The following YES1 variants were observed in gnomAD, a reference collection of about 807,000 sequenced individuals.
The protein encoded by YES1 is tyrosine-protein kinase Yes.
Under a neutral mutation model 70.4 loss-of-function variants are expected in YES1, and 39 were observed. The ratio of observed to expected loss-of-function variants is 0.55; its 90% CI spans 0.43 to 0.72. The LOEUF is 0.72. Ranked by LOEUF, YES1 falls within the 30% of genes least tolerant of loss-of-function variation. The pLI is 0.00. For missense variants in YES1, 495 were observed against 644.8 expected, an observed-to-expected ratio of 0.77 and a Z score of 2.52; for synonymous variants, 198 against 218.6, an observed-to-expected ratio of 0.91 and a Z score of 0.83.
At chr18:792,584 T>C (rs1906319193) in intron 1 of YES1, among the ~76,000 whole-genome samples, 1 of 145,574 alleles carries the variant, frequency 6.9e-6, no homozygotes, top group Non-Finnish European at 1.5e-5. Context: ...TGTGTGTGTG[T>C]GTATATACAT....
intron 11 of YES1, among the ~76,000 whole-genome samples, chr18:731,790 AC>A (rs1248000682): frequency 4.6e-5 from 7 of 151,796 alleles, no homozygotes; most frequent in African/African-American, 1.7e-4. Context: ...ACACGGTGAA[AC>A]CCCGTCTCTA....
At chr18:768,997 T>C (rs12962375) in intron 1 of YES1, among the ~76,000 whole-genome samples, 56,219 of 152,032 alleles carry the variant, frequency 0.37, 11,518 homozygotes, top group African/African-American at 0.54. Flanking sequence ...CCACTGTGCC[T>C]GGCCCTAGAT....
intron 3 of YES1, among the ~76,000 whole-genome samples, chr18:749,259 C>T (rs1029828367): frequency 3.3e-5 from 5 of 151,728 alleles, no homozygotes; most frequent in Admixed American, 2.0e-4. Flanking sequence ...TTTGGGAGGC[C>T]GGGGTGGGCA....
intron 3 of YES1, 147 bp from the exon 4 acceptor site, chr18:748,165 A>T (rs1392630305): frequency 1.6e-6 from 1 of 633,024 alleles, no homozygotes; most frequent in Admixed American, 2.7e-5. Flanking sequence ...TTAAACTCAA[A>T]GAATGATATT....
chr18:741,398 G>A lies in YES1; in HGVS notation c.1060+1520C>T, dbSNP rs139289394. On this transcript the variant is annotated intron_variant, in intron 8 of 11. Coordinates refer to ENST00000314574, the MANE Select transcript of YES1 (RefSeq NM_005433.4). ...AGGGAATACATGTGTGTGCAACCAC[G>A]TCCTGCTAATTTTTTTAGTTTTTGT... 1.5e-3 allele frequency among the ~76,000 whole-genome samples: 229 copies of A among 152,122 alleles called. 1 individual carries two copies. The highest frequency in any genetic ancestry group is 5.1e-3 in the African/African-American group (213 of 41,522).
At chr18:729,429 A>T (rs2080060784) in intron 11 of YES1, among the ~76,000 whole-genome samples, 1 of 151,388 alleles carries the variant, frequency 6.6e-6, no homozygotes, top group African/African-American at 2.4e-5. Flanking sequence ...GAAAATAAAT[A>T]AATAAATAAA....
chr18:732,428 CTGT>C (rs1317846982), intron 11 of YES1, among the ~76,000 whole-genome samples: 1 of 106,242 alleles, frequency 9.4e-6, no homozygotes, highest in Non-Finnish European at 1.7e-5. Flanking sequence ...CAGAGCAAGA[CTGT>C]GTTTAAAAAA....
intron 1 of YES1, among the ~76,000 whole-genome samples, chr18:804,169 A>C (rs1384889940): frequency 6.6e-6 from 1 of 152,250 alleles, no homozygotes. Context: ...CAATTAAAAA[A>C]ATTAAATGTA....
chr18:746,132 G>C (rs186711764), intron 4 of YES1, 81 bp from the exon 5 acceptor site: 55 of 994,290 alleles, frequency 5.5e-5, no homozygotes, highest in Non-Finnish European at 8.3e-5. Flanking sequence ...GAATGGACTG[G>C]GATAGGTTTG....
chr18:733,023 A>T (rs2080110499), intron 10 of YES1, 58 bp from the exon 11 acceptor site: 1 of 1,562,744 alleles, frequency 6.4e-7, no homozygotes, highest in Non-Finnish European at 8.8e-7. Context: ...TTGTGTAAAC[A>T]TAGCATATGC....
chr18:724,621 G>A lies in YES1; in HGVS notation c.1435C>T (p.Arg479Cys), dbSNP rs757308799. Residue 479 changes from arginine to cysteine, a missense_variant, in exon 12 of 12, where the codon CGT (arginine) becomes TGT (cysteine). By Grantham distance (180) the Arg-to-Cys change is radical. This residue lies in a region of YES1 where 385 missense variants were observed against 540.9 expected (regional missense o/e 0.71). Coordinates refer to ENST00000314574, the MANE Select transcript of YES1 (RefSeq NM_005433.4). ...GRVPYPGMVNREVLEQVERGY... is the reference protein window; with the variant it reads ...GRVPYPGMVNCEVLEQVERGY... ...CGCTCCACTTGTTCTAATACTTCAC[G>A]GTTCACCATACCTAATACACAAGAT... 3 of 1,613,792 alleles carry A rather than the reference G, an allele frequency of 1.9e-6. No individual in the cohort carries two copies. Among genetic ancestry groups the A allele is most frequent in the South Asian group, 1.1e-5 (1 of 91,070 alleles).
chr18:741,587 T>C (rs2080217470), intron 8 of YES1, among the ~76,000 whole-genome samples: 1 of 152,144 alleles, frequency 6.6e-6, no homozygotes, highest in Admixed American at 6.5e-5. Flanking sequence ...GCTGATTGCT[T>C]GATCCCAGGA....
At chr18:786,043 T>G (rs1159500982) in intron 1 of YES1, among the ~76,000 whole-genome samples, 2 of 152,198 alleles carry the variant, frequency 1.3e-5, no homozygotes, top group Admixed American at 6.5e-5. Context: ...TGTCAGCACT[T>G]TGGTATTGGA....
chr18:765,638 C>T (rs1250924683), intron 1 of YES1, among the ~76,000 whole-genome samples: 5 of 151,660 alleles, frequency 3.3e-5, no homozygotes, highest in African/African-American at 1.2e-4. Flanking sequence ...GACCTTGTGA[C>T]CCACCCACCC....
intron 3 of YES1, among the ~76,000 whole-genome samples, chr18:751,035 C>T (rs1352224652): frequency 1.3e-5 from 2 of 152,074 alleles, no homozygotes; most frequent in African/African-American, 4.8e-5. Flanking sequence ...GTGGTAGGTA[C>T]TGAATATTTT....
At chr18:753,774 C>A (rs1169112808) in intron 2 of YES1, among the ~76,000 whole-genome samples, 1 of 152,162 alleles carries the variant, frequency 6.6e-6, no homozygotes, top group Non-Finnish European at 1.5e-5. Context: ...GTGTGAGCCA[C>A]CCTGCCCGGC....
intron 1 of YES1, among the ~76,000 whole-genome samples, chr18:782,298 G>C (rs1448378051): frequency 6.6e-6 from 1 of 152,174 alleles, no homozygotes; most frequent in African/African-American, 2.4e-5. Flanking sequence ...TTAGAGCTAG[G>C]CTGAGGAACC....
At chr18:770,881 C>T (rs1235684780) in intron 1 of YES1, among the ~76,000 whole-genome samples, 1 of 151,988 alleles carries the variant, frequency 6.6e-6, no homozygotes, top group East Asian at 1.9e-4. Context: ...AGTGGTGGCT[C>T]ATGCCTTTAA....
intron 1 of YES1, among the ~76,000 whole-genome samples, chr18:809,672 G>A (rs1268277752): frequency 2.0e-5 from 3 of 152,130 alleles, no homozygotes; most frequent in East Asian, 3.9e-4. Flanking sequence ...AATCCTATTT[G>A]CAAAGGATAG....
Sources: allele counts gnomAD v4.1 joint callset (sites outside exome capture counted in the v4.1 genomes callset), GRCh38; gene constraint gnomAD v4.1.1; regional missense constraint gnomAD v4.1.1; transcripts MANE v1.5; gene names NCBI Gene and HGNC (gene_info 2026-07-23, HGNC 2026-07-21).